The following NLRP3 variants were observed in gnomAD, a reference collection of about 807,000 sequenced individuals.
NLRP3 encodes the protein NACHT, LRR and PYD domains-containing protein 3.
In NLRP3, 48 loss-of-function variants were observed where a neutral mutation model predicts 91.3. That is an observed-to-expected ratio of 0.53 (90% confidence interval 0.42 to 0.67). The LOEUF (loss-of-function observed/expected upper bound fraction) is 0.67. NLRP3 is among the 30% of genes least tolerant of loss of function. NLRP3 has a pLI of 0.00. For missense variants in NLRP3, 982 were observed against 1,276.9 expected (o/e 0.77, Z 3.52); for synonymous variants, 561 against 507.9 (o/e 1.10, Z -1.41).
chr1:247,447,714 T>C (rs545481196), intron 9 of NLRP3, among the ~76,000 whole-genome samples: 1 of 152,308 alleles, frequency 6.6e-6, no homozygotes, highest in East Asian at 1.9e-4. Flanking sequence ...GGACATACAG[T>C]GATACTAAGA....
In NLRP3 at chr1:247,444,174, A is replaced by G; in HGVS notation, c.2834+32A>G. ...CCTTTGGTTTATTACAGCAATGAGAACACATGGTGGCCAAGGGTGGAGGGA... is the reference window on the plus strand; with the variant it reads ...CCTTTGGTTTATTACAGCAATGAGAGCACATGGTGGCCAAGGGTGGAGGGA... On this transcript the variant is annotated intron_variant, in intron 8 of 9. Transcript: ENST00000336119. 2.5e-6 allele frequency: 4 copies of G among 1,612,714 alleles called. No homozygotes were observed. The South Asian group carries it at 4.4e-5, about 18-fold the overall frequency.
In NLRP3 at chr1:247,447,093, C is replaced by A. The variant is rs533420916; in HGVS notation, c.3006-1312C>A. On this transcript the variant is annotated intron_variant, in intron 9 of 9. Coordinates refer to ENST00000336119, the MANE Select transcript of NLRP3 (RefSeq NM_001243133.2). ...TGAAGAATCCATGAATGCAATCAAC[C>A]CGTTTTCTCAGGCTGCGATAACAAG... Among the ~76,000 whole-genome samples, 4 of 152,276 alleles carry A rather than the reference C, an allele frequency of 2.6e-5. No individual in the cohort carries two copies. The East Asian group carries it at 5.8e-4, about 22-fold the overall frequency.
chr1:247,425,432 C>T lies in NLRP3; in HGVS notation c.1983C>T (p.His661=), dbSNP rs1662801617. Residue 661 remains histidine (H), a synonymous_variant, in exon 4 of 10, where the codon CAC becomes CAT. Coordinates refer to ENST00000336119, the MANE Select transcript of NLRP3 (RefSeq NM_001243133.2). This position sits in a 1 kb window ranked among gnomAD's most constrained non-coding sequence, Gnocchi z 4.1. ...IEINLSTRMD[H]MVSSFCIENC... Reference sequence around the variant, plus strand: ...TCAATCTCTCCACCAGAATGGACCACATGGTTTCTTCCTTTTGCATTGAGA... The same window carrying T: ...TCAATCTCTCCACCAGAATGGACCATATGGTTTCTTCCTTTTGCATTGAGA... 6.2e-7 allele frequency: 1 copy of T among 1,614,128 alleles called. No homozygotes were observed. The highest frequency in any genetic ancestry group is 8.5e-7 in the Non-Finnish European group (1 of 1,180,056).
intron 2 of NLRP3, among the ~76,000 whole-genome samples, chr1:247,422,150 G>A (rs1662505161): frequency 1.3e-5 from 2 of 152,110 alleles, no homozygotes; most frequent in African/African-American, 4.8e-5. Flanking sequence ...AGGCCAAGAT[G>A]GGAGGATTGC....
chr1:247,446,643 C>A (rs761358253), intron 9 of NLRP3, among the ~76,000 whole-genome samples: 3 of 150,210 alleles, frequency 2.0e-5, no homozygotes, highest in African/African-American at 7.4e-5. Flanking sequence ...GTCTTCTCTG[C>A]GAGGCTGTCT....
intron 4 of NLRP3, among the ~76,000 whole-genome samples, chr1:247,428,410 A>C (rs1338808585): frequency 6.6e-6 from 1 of 152,250 alleles, no homozygotes; most frequent in Non-Finnish European, 1.5e-5. Context: ...AGGATTGTGG[A>C]CCCAATCTTA....
At position 247,425,573 on chromosome 1, in the gene NLRP3, C is replaced by T. The variant is rs199764380; in HGVS notation, c.2124C>T (p.Ser708=). ...ATATGGTGCAGTGTGTCCTCCCAAG[C>T]TCCTCTCATGCTGCCTGTTCTCATG... ...HLDMVQCVLP[S]SSHAACSHGL... is the part of the protein sequence containing the mutation. Residue 708 remains serine (S), a synonymous_variant, in exon 4 of 10, where the codon AGC becomes AGT. Transcript: ENST00000336119. This position sits in a 1 kb window ranked among gnomAD's most constrained non-coding sequence, Gnocchi z 4.1. 1.2e-6 allele frequency: 2 copies of T among 1,609,038 alleles called. No homozygotes were observed. The highest frequency in any genetic ancestry group is 2.7e-5 in the African/African-American group (2 of 75,048).
At chr1:247,426,669 T>C (rs1662911663) in intron 4 of NLRP3, among the ~76,000 whole-genome samples, 1 of 152,206 alleles carries the variant, frequency 6.6e-6, no homozygotes, top group Non-Finnish European at 1.5e-5. Context: ...ACCCAGGTCC[T>C]GGTCACAGGG....
intron 6 of NLRP3, 44 bp downstream of exon 6, chr1:247,434,317 G>C (rs200720785): frequency 6.2e-7 from 1 of 1,609,594 alleles, no homozygotes; most frequent in Non-Finnish European, 8.5e-7. Context: ...CCAGCGAGGC[G>C]TGCTGCGCAC....
chr1:247,430,105 A>C (rs1228966479), intron 5 of NLRP3, among the ~76,000 whole-genome samples: 1 of 151,960 alleles, frequency 6.6e-6, no homozygotes, highest in African/African-American at 2.4e-5. Flanking sequence ...CGAAGTCCTG[A>C]CCTCAGGTGA....
rs121908146 is a variant in NLRP3, at chr1:247,424,765, C to T, written c.1316C>T (p.Ala439Val). ...GCCCAGACATCCAAGACCACCACCG[C>T]GGTGTACGTCTTCTTCCTTTCCAGT... Reference protein sequence around the residue: ...SLAQTSKTTTAVYVFFLSSLL... With the variant: ...SLAQTSKTTTVVYVFFLSSLL... The change falls in exon 4 of 10, where the codon GCG becomes GTG. Residue 439 changes from alanine (A) to valine (V), a missense_variant. Ala to Val is a moderately conservative substitution (Grantham distance 64). This residue lies in a region of NLRP3 where 548 missense variants were observed against 713.7 expected (regional missense o/e 0.77). Coordinates refer to ENST00000336119, the MANE Select transcript of NLRP3 (RefSeq NM_001243133.2). The surrounding 1 kb of genome is among the most constrained non-coding windows in gnomAD (Gnocchi z 8.1). 1.9e-6 allele frequency: 3 copies of T among 1,612,542 alleles called. No homozygotes were observed. The highest frequency in any genetic ancestry group is 1.7e-6 in the Non-Finnish European group (2 of 1,180,030).
intron 6 of NLRP3, among the ~76,000 whole-genome samples, chr1:247,435,195 A>C (rs1357967452): frequency 6.6e-6 from 1 of 152,172 alleles, no homozygotes; most frequent in Non-Finnish European, 1.5e-5. Context: ...GGTTGCAGTG[A>C]GTCAAGATCC....
intron 7 of NLRP3, among the ~76,000 whole-genome samples, chr1:247,443,570 A>G (rs943987660): frequency 1.5e-5 from 2 of 131,706 alleles, no homozygotes; most frequent in African/African-American, 5.2e-5. Context: ...TAAAAAAAAA[A>G]AAAAAGGCCC....
intron 4 of NLRP3, among the ~76,000 whole-genome samples, chr1:247,426,105 G>T (rs553448357): frequency 6.6e-6 from 1 of 152,308 alleles, no homozygotes; most frequent in South Asian, 2.1e-4. Context: ...AAGGAATTCT[G>T]CACTGAAGAC....
intron 9 of NLRP3, among the ~76,000 whole-genome samples, chr1:247,445,277 T>G (rs1027482787): frequency 6.6e-6 from 1 of 152,092 alleles, no homozygotes; most frequent in Admixed American, 6.5e-5. Context: ...CTCGGCTCAC[T>G]GCAAGCTCCG....
At chr1:247,437,267 C>A (rs1173279917) in intron 7 of NLRP3, among the ~76,000 whole-genome samples, 9 of 152,198 alleles carry the variant, frequency 5.9e-5, no homozygotes, top group Non-Finnish European at 1.0e-4. Flanking sequence ...ATACAATAAG[C>A]AAATTGGATA....
rs1372355086 is a variant in NLRP3, at chr1:247,424,937, T to C, written c.1488T>C (p.Asp496=). Residue 496 remains aspartate (D), a synonymous_variant, in exon 4 of 10, where the codon GAT becomes GAC. Transcript: ENST00000336119. The surrounding 1 kb of genome is among the most constrained non-coding windows in gnomAD (Gnocchi z 8.1). The part of the protein sequence containing the change: ...DLRNHGLQKA[D]VSAFLRMNLF... The stretch of plus-strand genomic sequence containing the variant: ...GGAATCATGGACTGCAGAAGGCGGA[T>C]GTGTCTGCTTTCCTGAGGATGAACC... 6.2e-7 allele frequency: 1 copy of C among 1,613,832 alleles called. No individual in the cohort carries two copies. The highest frequency in any genetic ancestry group is 8.5e-7 in the Non-Finnish European group (1 of 1,180,032).
At chr1:247,429,283 G>T in intron 4 of NLRP3, among the ~76,000 whole-genome samples, 1 of 152,142 alleles carries the variant, frequency 6.6e-6, no homozygotes, top group East Asian at 1.9e-4. Flanking sequence ...AACGTTCAGG[G>T]CCATGTTGGG....
Position 247,425,458 on chromosome 1 carries a change from A to T in NLRP3, c.2009A>T (p.Asn670Ile). 1 of 1,614,212 alleles carries T rather than the reference A, an allele frequency of 6.2e-7. No individual in the cohort carries two copies. The highest frequency in any genetic ancestry group is 8.5e-7 in the Non-Finnish European group (1 of 1,180,052). ...ATGGTTTCTTCCTTTTGCATTGAGA[A>T]CTGTCATCGGGTGGAGTCACTGTCC... ...DHMVSSFCIE[N>I]CHRVESLSLG... The change falls in exon 4 of 10, where the codon AAC becomes ATC. Residue 670 changes from asparagine (N) to isoleucine (I), a missense_variant. By Grantham distance (149) the Asn-to-Ile change is moderately radical (BLOSUM62 -3). Around this residue, in one of 5 missense-constraint regions of NLRP3, gnomAD observed 373 missense variants for 431.5 expected, o/e 0.86. Coordinates refer to ENST00000336119, the MANE Select transcript of NLRP3 (RefSeq NM_001243133.2). This position sits in a 1 kb window ranked among gnomAD's most constrained non-coding sequence, Gnocchi z 4.1.
Sources: allele counts gnomAD v4.1 joint callset (sites outside exome capture counted in the v4.1 genomes callset), GRCh38; gene constraint gnomAD v4.1.1; regional missense constraint gnomAD v4.1.1; non-coding constraint Gnocchi (gnomAD v3.1); transcripts MANE v1.5; gene names NCBI Gene and HGNC (gene_info 2026-07-23, HGNC 2026-07-21).